The following KLF7 variants were observed in gnomAD, a reference collection of about 807,000 sequenced individuals.
KLF7 encodes KLF transcription factor 7, also known as Krueppel-like factor 7.
KLF7 carries 2 observed loss-of-function variants against 27.3 expected under a neutral mutation model. The observed-to-expected ratio is 0.07, with a 90% CI of 0.03 to 0.23. The LOEUF (loss-of-function observed/expected upper bound fraction) is 0.23, where lower values mean the gene tolerates loss of function less well. Among genes scored for constraint, KLF7 ranks in the 10% least tolerant of loss-of-function variants. The pLI, the probability that KLF7 is intolerant of heterozygous loss-of-function variation, is 1.00. For missense variants in KLF7, 221 were observed against 394.1 expected (o/e 0.56, Z 3.72); for synonymous variants, 165 against 162.4 (o/e 1.02, Z -0.12).
At position 207,123,930 on chromosome 2, in the gene KLF7, C is replaced by T. The variant is rs767721730; in HGVS notation, c.577G>A (p.Ala193Thr). ...CTGTCGCTCTGTCCACTCTTAACGG[C>T]CCCCGCAGCCGTCACGGCTGCTGCA... Reference protein sequence around the residue: ...TAAAAVTAAGAVKSGQSDSDQ... With the variant: ...TAAAAVTAAGTVKSGQSDSDQ... The change falls in exon 2 of 4, where the codon GCC (alanine) becomes ACC (threonine). Residue 193 changes from alanine (A) to threonine (T), a missense_variant. Transcript: ENST00000309446. The T allele has an allele frequency of 5.6e-6, 9 of 1,614,088 alleles. No individual in the cohort carries two copies. Among genetic ancestry groups the T allele is most frequent in the Non-Finnish European group, 6.8e-6 (8 of 1,180,042 alleles).
intron 3 of KLF7, among the ~76,000 whole-genome samples, chr2:207,085,986 C>A (rs201176088): frequency 0.026 from 2,813 of 107,634 alleles, no homozygotes; most frequent in Admixed American, 0.033. Flanking sequence ...AAATGTTGGC[C>A]AAAAAAAAAA....
intron 1 of KLF7, chr2:207,134,117 C>A: frequency 6.5e-7 from 1 of 1,532,102 alleles, no homozygotes; most frequent in South Asian, 1.2e-5. Context: ...CCCTTCCTCT[C>A]CCAAATCACT....
At chr2:207,149,860 T>A (rs2078194036) in intron 1 of KLF7, among the ~76,000 whole-genome samples, 1 of 152,202 alleles carries the variant, frequency 6.6e-6, no homozygotes, top group Non-Finnish European at 1.5e-5. Context: ...GCTCTGTCAT[T>A]CTGACCCCAG....
chr2:207,111,229 C>T (rs902799524), intron 2 of KLF7, among the ~76,000 whole-genome samples: 2 of 152,162 alleles, frequency 1.3e-5, no homozygotes, highest in Non-Finnish European at 2.9e-5. Flanking sequence ...CAGGATGTCC[C>T]GATACCCTCC....
At chr2:207,085,411 G>T (rs540405471) in intron 3 of KLF7, among the ~76,000 whole-genome samples, 1 of 152,228 alleles carries the variant, frequency 6.6e-6, no homozygotes, top group South Asian at 2.1e-4. Flanking sequence ...GGGCCTGCAT[G>T]TTACCACTGA....
chr2:207,088,904 C>T (rs1420380687), intron 2 of KLF7, among the ~76,000 whole-genome samples: 2 of 152,114 alleles, frequency 1.3e-5, no homozygotes, highest in African/African-American at 4.8e-5. Flanking sequence ...TTCGATTCCC[C>T]GGAGCACTTT....
intron 1 of KLF7, among the ~76,000 whole-genome samples, chr2:207,127,601 G>A (rs750154897): frequency 6.6e-6 from 1 of 152,156 alleles, no homozygotes; most frequent in Non-Finnish European, 1.5e-5. Context: ...TAACACTTTG[G>A]GAGGTTGAGG....
At chr2:207,103,626 C>T (rs1281560416) in intron 2 of KLF7, among the ~76,000 whole-genome samples, 6 of 152,258 alleles carry the variant, frequency 3.9e-5, no homozygotes, top group Admixed American at 2.0e-4. Flanking sequence ...GTACAGTTTA[C>T]GGGAAAACAG....
intron 2 of KLF7, among the ~76,000 whole-genome samples, chr2:207,108,853 TCATA>T (rs2076953156): frequency 1.3e-5 from 2 of 152,176 alleles, no homozygotes; most frequent in South Asian, 4.1e-4. Flanking sequence ...TCCACACTTA[TCATA>T]CAAACAAAAA....
intron 3 of KLF7, among the ~76,000 whole-genome samples, chr2:207,084,387 G>A (rs2076341060): frequency 6.6e-6 from 1 of 152,052 alleles, no homozygotes; most frequent in African/African-American, 2.4e-5. Flanking sequence ...CAATTACTGG[G>A]TATTTAGCAA....
At chr2:207,167,116 G>A, upstream of KLF7, 2 of 1,425,392 alleles carry the variant, frequency 1.4e-6, no homozygotes, top group Non-Finnish European at 1.8e-6. Flanking sequence ...GCTTGCGAGG[G>A]GGCCTTTACG....
chr2:207,082,903 C>T (rs1443846517), intron 3 of KLF7, among the ~76,000 whole-genome samples: 1 of 152,158 alleles, frequency 6.6e-6, no homozygotes, highest in Non-Finnish European at 1.5e-5. Flanking sequence ...GTGTCCATTC[C>T]TTAAATAGGC....
intron 1 of KLF7, among the ~76,000 whole-genome samples, chr2:207,164,794 G>C (rs1322813033): frequency 6.6e-6 from 1 of 152,190 alleles, no homozygotes; most frequent in East Asian, 1.9e-4. Flanking sequence ...GACACGCATA[G>C]AGGGTGTTCT....
At chr2:207,173,696 A>G in the KLF7 span, 1 of 152,172 alleles carries the variant, frequency 6.6e-6, no homozygotes, top group East Asian at 1.9e-4. Flanking sequence ...CAAAATGGAT[A>G]AAAGAGGGAC....
At chr2:207,168,203 G>GT (rs1487927623), upstream of KLF7, among the ~76,000 whole-genome samples, 1 of 152,180 alleles carries the variant, frequency 6.6e-6, no homozygotes, top group Non-Finnish European at 1.5e-5. Flanking sequence ...AGACTCAAGT[G>GT]AACTTATTTT....
chr2:207,077,234 G>C lies in KLF7; in HGVS notation c.*3979C>G, dbSNP rs139972370. The C allele has an allele frequency of 6.6e-6, 1 of 152,200 alleles. No homozygotes were observed. Among genetic ancestry groups the C allele is most frequent in the Admixed American group, 6.5e-5 (1 of 15,282 alleles). The allele number at this position is 152,200 out of a possible 1,614,324, so 9.4% of individuals were successfully genotyped here. A position where few individuals can be genotyped will look rare whatever the true frequency, so the allele number is the denominator to read the frequency against. On this transcript the variant is annotated 3_prime_UTR_variant, in exon 4 of 4. Transcript: ENST00000309446. ...ATAAAATGCAGGAATAAAGGCAAGAGGCAATGTTCCGAATGCACTGGAAGA... is the reference window on the plus strand; with the variant it reads ...ATAAAATGCAGGAATAAAGGCAAGACGCAATGTTCCGAATGCACTGGAAGA...
At chr2:207,167,461 C>G (rs1297365925), upstream of KLF7, among the ~76,000 whole-genome samples, 1 of 152,174 alleles carries the variant, frequency 6.6e-6, no homozygotes, top group African/African-American at 2.4e-5. Flanking sequence ...TCTTTCCCCT[C>G]CCTTTGACTA....
At chr2:207,114,934 GC>G (rs1327286968) in intron 2 of KLF7, among the ~76,000 whole-genome samples, 1 of 151,998 alleles carries the variant, frequency 6.6e-6, no homozygotes, top group Non-Finnish European at 1.5e-5. Flanking sequence ...TACATTATTT[GC>G]CTGAAAACAA....
upstream of KLF7, among the ~76,000 whole-genome samples, chr2:207,172,004 G>A (rs1250549334): frequency 6.6e-6 from 1 of 152,162 alleles, no homozygotes; most frequent in Non-Finnish European, 1.5e-5. Flanking sequence ...AGCACCGGTT[G>A]GGGCCCAGAA....
Sources: allele counts gnomAD v4.1 joint callset (sites outside exome capture counted in the v4.1 genomes callset), GRCh38; gene constraint gnomAD v4.1.1; transcripts MANE v1.5; gene names NCBI Gene and HGNC (gene_info 2026-07-23, HGNC 2026-07-21).